Variants in TFCP2L1 observed in about 807,000 individuals in gnomAD.
The protein encoded by TFCP2L1 is transcription factor CP2 like 1, also known as transcription factor CP2-like protein 1.
In TFCP2L1, 12 loss-of-function variants were observed where a neutral mutation model predicts 72.2. That is an observed-to-expected ratio of 0.17 (90% CI 0.11 to 0.27). The LOEUF (loss-of-function observed/expected upper bound fraction) is 0.27. Ranked by LOEUF, TFCP2L1 falls within the 10% of genes least tolerant of loss-of-function variation. TFCP2L1 has a pLI of 1.00. For synonymous variants in TFCP2L1, 260 were observed against 251.0 expected (o/e 1.04, Z -0.34); for missense variants, 488 against 624.6 (o/e 0.78, Z 2.33).
chr2:121,231,519 C>T (rs1432169902), intron 13 of TFCP2L1, among the ~76,000 whole-genome samples: 1 of 152,242 alleles, frequency 6.6e-6, no homozygotes, highest in Admixed American at 6.5e-5. Context: ...TGGGGGAACG[C>T]CCCTCTCCTG....
rs1399273528 is a variant in TFCP2L1, at chr2:121,220,852, T to C, written c.*3489A>G. ...CTTTTTTTTGGTATTTATTATTTTC[T>C]ATTCTTTCATAAGCTATAAGCTTTA... On this transcript the variant is annotated 3_prime_UTR_variant, in exon 15 of 15. Transcript: ENST00000263707. 13 of 152,336 alleles carry C rather than the reference T, an allele frequency of 8.5e-5. 1 individual carries two copies. The highest frequency in any genetic ancestry group is 3.3e-4 in the Admixed American group (5 of 15,302). The allele number at this position is 152,336 out of a possible 1,614,324, so 9.4% of individuals were successfully genotyped here. A position where few individuals can be genotyped will look rare whatever the true frequency, so the allele number is the denominator to read the frequency against.
At position 121,223,699 on chromosome 2, in the gene TFCP2L1, G is replaced by A. The variant is rs549328651; in HGVS notation, c.*642C>T. 1.9e-5 allele frequency: 3 copies of A among 154,562 alleles called. No homozygotes were observed. The highest frequency in any genetic ancestry group is 7.2e-5 in the African/African-American group (3 of 41,600). 9.6% of individuals were successfully genotyped at this position (154,562 alleles called of 1,614,324 possible). A position where few individuals can be genotyped will look rare whatever the true frequency, so the allele number is the denominator to read the frequency against. ...TGCAGAGACAGGAGCACATCTTTGGGTTCCGCAGCAGCAGATCCTTAGAAA... is the reference window on the plus strand; with the variant it reads ...TGCAGAGACAGGAGCACATCTTTGGATTCCGCAGCAGCAGATCCTTAGAAA... On this transcript the variant is annotated 3_prime_UTR_variant, in exon 15 of 15. Coordinates refer to ENST00000263707, the MANE Select transcript of TFCP2L1 (RefSeq NM_014553.3).
In TFCP2L1 at chr2:121,248,255, A is replaced by G. The variant is rs1437801321; in HGVS notation, c.413T>C (p.Val138Ala). Residue 138 changes from valine to alanine, a missense_variant, in exon 5 of 15, where the codon GTT (valine) becomes GCT (alanine). Around this residue, in one of 3 missense-constraint regions of TFCP2L1, gnomAD observed 129 missense variants for 236.0 expected, o/e 0.55. Coordinates refer to ENST00000263707, the MANE Select transcript of TFCP2L1 (RefSeq NM_014553.3). ...RILDIDIPLS[V>A]GILDPRASPT... ...GCTGGCCCTGGGGTCCAAGATACCA[A>G]CAGACAGTGGAATATCTGCATACAC... 3.1e-6 allele frequency: 5 copies of G among 1,613,770 alleles called. No individual in the cohort carries two copies. The highest frequency in any genetic ancestry group is 3.3e-5 in the Admixed American group (2 of 59,996).
chr2:121,238,753 AG>A (rs1686301954), intron 8 of TFCP2L1, among the ~76,000 whole-genome samples: 1 of 152,076 alleles, frequency 6.6e-6, no homozygotes, highest in Admixed American at 6.5e-5. Context: ...ACCCCCAAAA[AG>A]GTACAGATTG....
intron 2 of TFCP2L1, among the ~76,000 whole-genome samples, chr2:121,279,882 T>TG (rs1687220612): frequency 6.6e-6 from 1 of 152,194 alleles, no homozygotes. Flanking sequence ...CCTTGCTGGA[T>TG]GCCTGGGTGG....
At chr2:121,242,015 G>C (rs1024904794) in intron 7 of TFCP2L1, among the ~76,000 whole-genome samples, 16 of 148,152 alleles carry the variant, frequency 1.1e-4, no homozygotes, top group African/African-American at 3.8e-4. Context: ...GGCACTGGGA[G>C]GGATATTTTC....
At chr2:121,228,124 A>G (rs1336610072) in intron 13 of TFCP2L1, among the ~76,000 whole-genome samples, 11 of 152,244 alleles carry the variant, frequency 7.2e-5, no homozygotes. Flanking sequence ...GTTAAGAGGC[A>G]AGGAGACTTT....
chr2:121,264,059 G>C (rs1686881784), intron 2 of TFCP2L1, among the ~76,000 whole-genome samples: 1 of 152,196 alleles, frequency 6.6e-6, no homozygotes, highest in African/African-American at 2.4e-5. Flanking sequence ...ACTCACTCAG[G>C]CACCTCTGCT....
chr2:121,232,030 AC>A, intron 12 of TFCP2L1, 62 bp from the exon 13 acceptor site: 1 of 1,514,066 alleles, frequency 6.6e-7, no homozygotes, highest in South Asian at 1.3e-5. Flanking sequence ...TGAGCCTCCC[AC>A]CCGCCCTGAG....
intron 10 of TFCP2L1, 58 bp from the exon 11 acceptor site, chr2:121,235,369 C>A: frequency 1.3e-6 from 2 of 1,572,756 alleles, no homozygotes; most frequent in South Asian, 2.2e-5. Context: ...AGGGCTCGGT[C>A]CCCAACCAGC....
chr2:121,259,079 C>T (rs1001825756), intron 2 of TFCP2L1, among the ~76,000 whole-genome samples: 3 of 152,108 alleles, frequency 2.0e-5, no homozygotes, highest in Non-Finnish European at 2.9e-5. Context: ...GAAACCCTGT[C>T]TCTAGTAAAA....
chr2:121,253,945 A>G (rs1686660883), intron 2 of TFCP2L1, among the ~76,000 whole-genome samples: 1 of 152,152 alleles, frequency 6.6e-6, no homozygotes, highest in Admixed American at 6.6e-5. Context: ...GCAGCACAAC[A>G]GCACCATCCC....
intron 13 of TFCP2L1, among the ~76,000 whole-genome samples, chr2:121,227,292 G>A (rs1686048663): frequency 6.6e-6 from 1 of 152,130 alleles, no homozygotes; most frequent in Admixed American, 6.5e-5. Context: ...AGGTACATGG[G>A]TACTTCAATG....
In TFCP2L1 at chr2:121,221,296, C is replaced by G. The variant is rs1685924356; in HGVS notation, c.*3045G>C. 6.6e-6 allele frequency: 1 copy of G among 151,790 alleles called. No individual in the cohort carries two copies. Among genetic ancestry groups the G allele is most frequent in the African/African-American group, 2.4e-5 (1 of 41,284 alleles). 9.4% of individuals were successfully genotyped at this position (151,790 alleles called of 1,614,324 possible). A position where few individuals can be genotyped will look rare whatever the true frequency, so the allele number is the denominator to read the frequency against. On this transcript the variant is annotated 3_prime_UTR_variant, in exon 15 of 15. Coordinates refer to ENST00000263707, the MANE Select transcript of TFCP2L1 (RefSeq NM_014553.3). ...TGCACCAAGGAAGACTGGGGAACAT[C>G]AGAGAGAGATAGGACTCAGTACCGT...
chr2:121,282,124 G>C (rs1200985854), intron 1 of TFCP2L1, among the ~76,000 whole-genome samples: 4 of 151,706 alleles, frequency 2.6e-5, no homozygotes, highest in Admixed American at 6.6e-5. Context: ...GTAGAGACAG[G>C]GTTCCACCAT....
intron 3 of TFCP2L1, 63 bp from the exon 4 acceptor site, chr2:121,249,150 T>G: frequency 7.8e-7 from 1 of 1,278,404 alleles, no homozygotes; most frequent in Non-Finnish European, 1.1e-6. Flanking sequence ...CCCACCTCTT[T>G]TCCCTGAGCC....
intron 7 of TFCP2L1, among the ~76,000 whole-genome samples, chr2:121,241,319 C>A (rs1336127193): frequency 6.6e-6 from 1 of 152,100 alleles, no homozygotes; most frequent in Non-Finnish European, 1.5e-5. Flanking sequence ...CATGGTGAAA[C>A]CCCGTCTCTA....
At position 121,239,686 on chromosome 2, in the gene TFCP2L1, G is replaced by A. The variant is rs754038252; in HGVS notation, c.769-37C>T. 46 of 1,597,310 alleles carry A rather than the reference G, an allele frequency of 2.9e-5. No individual in the cohort carries two copies. In the South Asian group the frequency reaches 4.8e-4, roughly 17 times the overall value. On this transcript the variant is annotated intron_variant, in intron 7 of 14. Coordinates refer to ENST00000263707, the MANE Select transcript of TFCP2L1 (RefSeq NM_014553.3). The stretch of plus-strand genomic sequence containing the variant: ...AGCACAGGGCGAGCTGGGATCTGGA[G>A]AGGCGCTGAGCCGTGCTCCCCAGGT...
intron 8 of TFCP2L1, among the ~76,000 whole-genome samples, chr2:121,239,219 G>GC (rs1686311889): frequency 6.6e-6 from 1 of 152,112 alleles, no homozygotes; most frequent in South Asian, 2.1e-4. Flanking sequence ...ACCAGGAAAG[G>GC]CCCCCCAGAC....
Sources: gnomAD v4.1 joint callset for allele counts (sites outside exome capture counted in the v4.1 genomes callset) on GRCh38, gnomAD v4.1.1 for gene constraint, gnomAD v4.1.1 regional missense constraint, MANE v1.5 for transcripts, NCBI Gene and HGNC (gene_info 2026-07-23, HGNC 2026-07-21) for gene names.